Variants in SNX29 observed in about 807,000 individuals in gnomAD.
SNX29 encodes sorting nexin 29.
A neutral mutation model predicts 102.1 loss-of-function variants in SNX29; 78 were observed. The ratio of observed to expected loss-of-function variants is 0.76; its 90% confidence interval spans 0.64 to 0.92. The LOEUF is 0.92. Among genes scored for constraint, SNX29 ranks in the 40% least tolerant of loss-of-function variants. The probability of loss-of-function intolerance (pLI) is 0.00; values close to 1 mark genes in which losing one functional copy is unlikely to be tolerated. For missense variants in SNX29, 1,280 were observed against 1,061.7 expected, an observed-to-expected ratio of 1.21 and a Z score of -2.86; for synonymous variants, 580 against 414.5, an observed-to-expected ratio of 1.40 and a Z score of -4.85.
rs185052721 is a variant in SNX29, at chr16:12,127,502, A to G, written c.1466+806A>G. On this transcript the variant is annotated intron_variant, in intron 12 of 20. Transcript: ENST00000566228. The stretch of plus-strand genomic sequence containing the variant: ...AGTGGCGCGATCTCTGCTCACTGCA[A>G]CCTCCACCTCCCGGGCTCAAGTGAT... Among the ~76,000 whole-genome samples the G allele has an allele frequency of 2.8e-4, 42 of 148,974 alleles. 2 individuals carry two copies. The South Asian group carries it at 7.6e-3, about 27-fold the overall frequency.
intron 19 of SNX29, among the ~76,000 whole-genome samples, chr16:12,499,744 G>A (rs150693373): frequency 1.3e-5 from 2 of 152,278 alleles, no homozygotes; most frequent in African/African-American, 4.8e-5. Flanking sequence ...CACAATCACG[G>A]CTCACTTGCA....
chr16:12,097,542 A>ATTT (rs34337910), intron 11 of SNX29, among the ~76,000 whole-genome samples: 1 of 149,088 alleles, frequency 6.7e-6, no homozygotes, highest in South Asian at 2.1e-4. Context: ...GCCACACATG[A>ATTT]TTTTTTTTTT....
chr16:12,502,811 G>A (rs558813849), intron 19 of SNX29, among the ~76,000 whole-genome samples: 134 of 152,228 alleles, frequency 8.8e-4, no homozygotes, highest in African/African-American at 3.1e-3. Flanking sequence ...AGGTATTTTC[G>A]TATCACATTG....
intron 18 of SNX29, among the ~76,000 whole-genome samples, chr16:12,467,619 C>CGTTTGTTCGTTCGTTT (rs147406133): frequency 2.1e-5 from 3 of 143,648 alleles, no homozygotes; most frequent in East Asian, 2.7e-4. Context: ...TTTGTTCGTT[C>CGTTTGTTCGTTCGTTT]GTTAGTTCGT....
chr16:12,218,347 C>T (rs1206507194), intron 14 of SNX29, among the ~76,000 whole-genome samples: 2 of 152,218 alleles, frequency 1.3e-5, no homozygotes, highest in Admixed American at 6.5e-5. Flanking sequence ...TATATCTATT[C>T]TTCCTATTTC....
At chr16:12,502,291 C>T (rs2089163389) in intron 19 of SNX29, among the ~76,000 whole-genome samples, 1 of 152,108 alleles carries the variant, frequency 6.6e-6, no homozygotes, top group Non-Finnish European at 1.5e-5. Flanking sequence ...TAGTGTAGAC[C>T]AGCATGTCAC....
intron 14 of SNX29, among the ~76,000 whole-genome samples, chr16:12,275,886 T>G (rs1303162336): frequency 6.9e-6 from 1 of 145,818 alleles, no homozygotes; most frequent in Non-Finnish European, 1.5e-5. Flanking sequence ...TAATTGTTTT[T>G]TTTTTTTTTT....
chr16:12,402,210 C>T (rs753774476), intron 17 of SNX29, among the ~76,000 whole-genome samples: 11 of 152,200 alleles, frequency 7.2e-5, no homozygotes, highest in Non-Finnish European at 1.3e-4. Flanking sequence ...GAGGTCAGCT[C>T]CTCTGCTCAG....
At chr16:12,019,442 T>C (rs539184761) in intron 3 of SNX29, among the ~76,000 whole-genome samples, 1 of 152,132 alleles carries the variant, frequency 6.6e-6, no homozygotes, top group African/African-American at 2.4e-5. Flanking sequence ...CTTGACCTCG[T>C]GATCTGCCCG....
At position 12,496,507 on chromosome 16, in the gene SNX29, C is replaced by CTTTTTTT. The variant is rs537441350; in HGVS notation, c.2178+18664_2178+18670dup. Reference sequence around the variant, plus strand: ...TCTCACACCTCCTTGGCTCTCATGGCTTTTTTTTTTTTTTTTTTTTTTAAA... The same window carrying CTTTTTTT: ...TCTCACACCTCCTTGGCTCTCATGGCTTTTTTTTTTTTTTTTTTTTTTTTTTTTTAAA... On this transcript the variant is annotated intron_variant, in intron 19 of 20. Coordinates refer to ENST00000566228, the MANE Select transcript of SNX29 (RefSeq NM_032167.5). Among the ~76,000 whole-genome samples, 32 of 115,192 alleles carry CTTTTTTT rather than the reference C, an allele frequency of 2.8e-4. 2 individuals are homozygous for CTTTTTTT. Among genetic ancestry groups the CTTTTTTT allele is most frequent in the African/African-American group, 1.1e-3 (28 of 26,022 alleles). 75.6% of individuals were successfully genotyped at this position (115,192 alleles called of 152,430 possible).
chr16:12,395,683 A>G (rs922463426), intron 16 of SNX29, among the ~76,000 whole-genome samples: 2 of 152,166 alleles, frequency 1.3e-5, no homozygotes, highest in African/African-American at 4.8e-5. Flanking sequence ...CATCCCAGGG[A>G]TGTGTTCTCC....
intron 15 of SNX29, among the ~76,000 whole-genome samples, chr16:12,324,014 G>GT (rs1253879203): frequency 2.0e-5 from 3 of 151,346 alleles, no homozygotes; most frequent in Non-Finnish European, 2.9e-5. Flanking sequence ...AGAATATGAC[G>GT]TACTCCCTCA....
At chr16:12,039,174 C>G (rs866208610) in intron 4 of SNX29, among the ~76,000 whole-genome samples, 1 of 152,232 alleles carries the variant, frequency 6.6e-6, no homozygotes, top group African/African-American at 2.4e-5. Context: ...GGAACCCACG[C>G]GAATGCCCTC....
At chr16:12,294,379 G>T (rs1420712458) in intron 15 of SNX29, among the ~76,000 whole-genome samples, 1 of 152,172 alleles carries the variant, frequency 6.6e-6, no homozygotes, top group East Asian at 1.9e-4. Flanking sequence ...GCCCTGTCAT[G>T]TACAGGGTCA....
At chr16:12,452,973 A>G (rs973745141) in intron 18 of SNX29, among the ~76,000 whole-genome samples, 5 of 152,160 alleles carry the variant, frequency 3.3e-5, no homozygotes, top group Non-Finnish European at 5.9e-5. Context: ...CGTCTTGGCT[A>G]GTTGCTAGGC....
chr16:12,304,919 T>A (rs2080292653), intron 15 of SNX29, among the ~76,000 whole-genome samples: 1 of 152,262 alleles, frequency 6.6e-6, no homozygotes, highest in South Asian at 2.1e-4. Flanking sequence ...CTTGATCATC[T>A]ATTTCAGCTG....
intron 20 of SNX29, among the ~76,000 whole-genome samples, chr16:12,545,238 T>G (rs2077536723): frequency 1.3e-5 from 2 of 152,240 alleles, no homozygotes; most frequent in Admixed American, 1.3e-4. Flanking sequence ...AAAGGGCCTC[T>G]GTTCTCAAGT....
At chr16:12,259,390 GTCC>G (rs1360602433) in intron 14 of SNX29, among the ~76,000 whole-genome samples, 1 of 152,132 alleles carries the variant, frequency 6.6e-6, no homozygotes, top group Non-Finnish European at 1.5e-5. Context: ...CTAAGAAGGT[GTCC>G]TCCTCCTCTC....
At chr16:12,165,115 A>G (rs111672259) in intron 13 of SNX29, among the ~76,000 whole-genome samples, 2,732 of 152,328 alleles carry the variant, frequency 0.018, 82 homozygotes, top group African/African-American at 0.063. Context: ...ACTTAGCAGA[A>G]CTTTTGGAGA....
Sources: allele counts gnomAD v4.1 joint callset (sites outside exome capture counted in the v4.1 genomes callset), GRCh38; gene constraint gnomAD v4.1.1; transcripts MANE v1.5; gene names NCBI Gene and HGNC (gene_info 2026-07-23, HGNC 2026-07-21).